Variants in CLYBL observed in about 807,000 individuals in gnomAD.
CLYBL encodes citramalyl-CoA lyase.
CLYBL carries 31 observed loss-of-function variants against 38.9 expected under a neutral mutation model. The observed-to-expected ratio is 0.80, with a 90% confidence interval of 0.60 to 1.08. The LOEUF (loss-of-function observed/expected upper bound fraction) is 1.08, where lower values mean the gene tolerates loss of function less well. Among genes scored for constraint, CLYBL ranks in the 50% least tolerant of loss-of-function variants. The pLI is 0.00. For missense variants in CLYBL, 434 were observed against 411.6 expected (o/e 1.05, Z -0.47); for synonymous variants, 171 against 158.6 (o/e 1.08, Z -0.59).
chr13:99,623,178 A>C, intron 1 of CLYBL, among the ~76,000 whole-genome samples: 1 of 152,194 alleles, frequency 6.6e-6, no homozygotes, highest in East Asian at 1.9e-4. Flanking sequence ...AGGAACCACC[A>C]AACTGTTTTC....
chr13:99,761,463 G>A (rs967112963), intron 1 of CLYBL, among the ~76,000 whole-genome samples: 1 of 152,126 alleles, frequency 6.6e-6, no homozygotes, highest in East Asian at 1.9e-4. Context: ...TTCACTTAAC[G>A]TAATGACCTC....
chr13:99,659,966 A>AGG (rs1474612733), intron 1 of CLYBL, among the ~76,000 whole-genome samples: 1 of 152,104 alleles, frequency 6.6e-6, no homozygotes, highest in African/African-American at 2.4e-5. Context: ...ACTTAATAAT[A>AGG]AGGCCACACA....
At chr13:99,610,460 T>A (rs2046609201) in intron 1 of CLYBL, among the ~76,000 whole-genome samples, 1 of 152,232 alleles carries the variant, frequency 6.6e-6, no homozygotes. Flanking sequence ...TTGTTGTTGT[T>A]TGCTTAGTGA....
chr13:99,769,693 G>A (rs7334942), intron 1 of CLYBL, among the ~76,000 whole-genome samples: 37,924 of 151,996 alleles, frequency 0.25, 6,195 homozygotes, highest in East Asian at 0.46. Flanking sequence ...GAAATGTTTC[G>A]TAAGCCATGT....
chr13:99,747,715 G>C (rs1395980039), intron 1 of CLYBL, among the ~76,000 whole-genome samples: 1 of 152,202 alleles, frequency 6.6e-6, no homozygotes, highest in Non-Finnish European at 1.5e-5. Context: ...TCACAAGGCA[G>C]ATTCAGTGAG....
In CLYBL at chr13:99,751,124, A is replaced by G. The variant is rs561406912; in HGVS notation, c.63-21700A>G. On this transcript the variant is annotated intron_variant, in intron 1 of 8. Coordinates refer to ENST00000339105, the MANE Select transcript of CLYBL (RefSeq NM_206808.5). The stretch of plus-strand genomic sequence containing the variant: ...CCAGTGTCCATTGACAGATTTATGG[A>G]TATCAGGATGTGGCATATCCATACG... Among the ~76,000 whole-genome samples, 54 of 152,342 alleles carry G rather than the reference A, an allele frequency of 3.5e-4. 1 individual carries two copies. Among genetic ancestry groups the G allele is most frequent in the African/African-American group, 1.3e-3 (54 of 41,584 alleles).
chr13:99,812,625 G>A (rs2050364768), intron 2 of CLYBL, among the ~76,000 whole-genome samples: 1 of 152,180 alleles, frequency 6.6e-6, no homozygotes, highest in Admixed American at 6.5e-5. Context: ...CCTATAGGAG[G>A]GATAAAGGAC....
chr13:99,826,172 G>T (rs1167689007), intron 2 of CLYBL, among the ~76,000 whole-genome samples: 1 of 152,200 alleles, frequency 6.6e-6, no homozygotes, highest in African/African-American at 2.4e-5. Flanking sequence ...TTGATTAAAA[G>T]GAAGGTATTT....
At chr13:99,670,993 C>G (rs1202559429) in intron 1 of CLYBL, among the ~76,000 whole-genome samples, 2 of 152,214 alleles carry the variant, frequency 1.3e-5, no homozygotes, top group East Asian at 3.9e-4. Context: ...TCCTGCTGAC[C>G]TCTCCAGCAA....
chr13:99,882,711 A>G (rs1016880183), intron 7 of CLYBL, among the ~76,000 whole-genome samples: 1 of 152,132 alleles, frequency 6.6e-6, no homozygotes, highest in African/African-American at 2.4e-5. Flanking sequence ...CTATCACATG[A>G]AACCTCTTTT....
At chr13:99,815,651 C>T (rs759629041) in intron 2 of CLYBL, among the ~76,000 whole-genome samples, 14 of 151,980 alleles carry the variant, frequency 9.2e-5, no homozygotes, top group Non-Finnish European at 1.8e-4. Context: ...TTTGGGAGGC[C>T]GAGGCAGGCG....
chr13:99,865,014 T>C lies in CLYBL; in HGVS notation c.634+103T>C, dbSNP rs942934227. ...AAGGATGGACATTTACATAACAATG[T>C]ATATTTGCCAACCATGACAATGGTT... On this transcript the variant is annotated intron_variant, in intron 5 of 8. Coordinates refer to ENST00000339105, the MANE Select transcript of CLYBL (RefSeq NM_206808.5). This position sits in a 1 kb window ranked among gnomAD's most constrained non-coding sequence, Gnocchi z 4.7. The C allele has an allele frequency of 4.8e-6, 4 of 839,406 alleles. No individual in the cohort carries two copies. In the South Asian group the frequency reaches 5.5e-5, roughly 11 times the overall value. The allele number at this position is 839,406 out of a possible 1,614,324, so 52.0% of individuals were successfully genotyped here. A position where few individuals can be genotyped will look rare whatever the true frequency, so the allele number is the denominator to read the frequency against.
At chr13:99,853,171 C>A (rs1166403379) in intron 2 of CLYBL, among the ~76,000 whole-genome samples, 17 of 151,894 alleles carry the variant, frequency 1.1e-4, no homozygotes, top group Admixed American at 1.1e-3. Context: ...AAAACAAATT[C>A]TTTTCATAGG....
chr13:99,788,938 A>G (rs1220386859), intron 2 of CLYBL, among the ~76,000 whole-genome samples: 1 of 152,134 alleles, frequency 6.6e-6, no homozygotes, highest in African/African-American at 2.4e-5. Flanking sequence ...GGGAGGGTGT[A>G]TGTGTCCAGG....
At chr13:99,754,748 CT>C (rs35982336) in intron 1 of CLYBL, among the ~76,000 whole-genome samples, 144 of 124,416 alleles carry the variant, frequency 1.2e-3, no homozygotes, top group African/African-American at 2.0e-3. Context: ...CCATGCCCAG[CT>C]TTTTTTTTTT....
intron 1 of CLYBL, among the ~76,000 whole-genome samples, chr13:99,712,277 A>G (rs1486829959): frequency 6.6e-6 from 1 of 151,666 alleles, no homozygotes; most frequent in Admixed American, 6.6e-5. Context: ...CATACGGTAC[A>G]CTACAATTTT....
chr13:99,685,568 G>A (rs1053652075), intron 1 of CLYBL, among the ~76,000 whole-genome samples: 3 of 152,074 alleles, frequency 2.0e-5, no homozygotes, highest in East Asian at 1.9e-4. Context: ...AAGCATCATC[G>A]GAGCAAAACT....
intron 7 of CLYBL, among the ~76,000 whole-genome samples, chr13:99,885,785 G>A (rs1427594607): frequency 6.6e-6 from 1 of 152,174 alleles, no homozygotes; most frequent in Non-Finnish European, 1.5e-5. Flanking sequence ...TAGGAAAGAA[G>A]AATGAAACAG....
At chr13:99,621,755 ATT>A (rs75453163) in intron 1 of CLYBL, among the ~76,000 whole-genome samples, 50 of 150,996 alleles carry the variant, frequency 3.3e-4, no homozygotes, top group East Asian at 9.7e-4. Context: ...TTTTTTGGCG[ATT>A]TTTTTTTTTT....
Sources: gnomAD v4.1 joint callset for allele counts (sites outside exome capture counted in the v4.1 genomes callset) on GRCh38, gnomAD v4.1.1 for gene constraint, Gnocchi (gnomAD v3.1) non-coding constraint, MANE v1.5 for transcripts, NCBI Gene and HGNC (gene_info 2026-07-23, HGNC 2026-07-21) for gene names.